DNAH8: variants seen among roughly 807,000 people sequenced by gnomAD.
DNAH8 encodes the protein dynein axonemal heavy chain 8.
A neutral mutation model predicts 562.1 loss-of-function variants in DNAH8; 382 were observed. That is an observed-to-expected ratio of 0.68 (90% CI 0.63 to 0.74). The LOEUF is 0.74. DNAH8 is among the 30% of genes least tolerant of loss of function. The probability of loss-of-function intolerance (pLI) is 0.00; values close to 1 mark genes in which losing one functional copy is unlikely to be tolerated. For missense variants in DNAH8, 5,203 were observed against 5,620.4 expected (o/e 0.93, Z 2.37); for synonymous variants, 1,881 against 1,919.4 (o/e 0.98, Z 0.52).
chr6:38,909,423 G>C, intron 64 of DNAH8, 95 bp from the exon 65 acceptor site: 1 of 1,074,410 alleles, frequency 9.3e-7, no homozygotes. Context: ...TCAAATCTGT[G>C]ATGTCACACT....
chr6:39,018,116 C>T (rs1191506636), intron 91 of DNAH8, among the ~76,000 whole-genome samples: 1 of 152,210 alleles, frequency 6.6e-6, no homozygotes, highest in Admixed American at 6.5e-5. Context: ...GCCCTGTCCC[C>T]AAATCACAGA....
chr6:38,795,291 T>A (rs1038733072), intron 21 of DNAH8, among the ~76,000 whole-genome samples: 1 of 152,078 alleles, frequency 6.6e-6, no homozygotes, highest in African/African-American at 2.4e-5. Flanking sequence ...GACTCAAGAG[T>A]GTAAGTTGCT....
intron 1 of DNAH8, among the ~76,000 whole-genome samples, chr6:38,719,561 T>A (rs1762591198): frequency 6.6e-6 from 1 of 152,188 alleles, no homozygotes; most frequent in African/African-American, 2.4e-5. Context: ...AGAGGACATG[T>A]GTTTTTTTTA....
intron 91 of DNAH8, among the ~76,000 whole-genome samples, chr6:39,013,678 C>T (rs1766377414): frequency 6.6e-6 from 1 of 152,092 alleles, no homozygotes; most frequent in African/African-American, 2.4e-5. Context: ...TGGTAAAACC[C>T]TGTCTCTACA....
chr6:38,913,602 C>T (rs1781071584), intron 66 of DNAH8, among the ~76,000 whole-genome samples: 1 of 152,150 alleles, frequency 6.6e-6, no homozygotes, highest in Non-Finnish European at 1.5e-5. Context: ...GACATTGTGA[C>T]TTTCCCTTAA....
At chr6:39,009,232 T>C (rs1766015197) in intron 89 of DNAH8, among the ~76,000 whole-genome samples, 1 of 152,052 alleles carries the variant, frequency 6.6e-6, no homozygotes, top group South Asian at 2.1e-4. Context: ...CACAAGTTAA[T>C]TCCTCCTCAA....
intron 68 of DNAH8, among the ~76,000 whole-genome samples, chr6:38,915,963 A>G (rs570201079): frequency 9.8e-5 from 15 of 152,306 alleles, no homozygotes; most frequent in Middle Eastern, 3.4e-3. Context: ...ACACACACAT[A>G]TAAGTATGTA....
intron 45 of DNAH8, among the ~76,000 whole-genome samples, chr6:38,865,593 C>T (rs1313431626): frequency 2.6e-5 from 4 of 152,192 alleles, no homozygotes; most frequent in African/African-American, 9.7e-5. Flanking sequence ...GAAAGCATCT[C>T]TATTGTGTTG....
At chr6:38,973,854 A>G in intron 84 of DNAH8, 41 bp downstream of exon 84, 1 of 1,510,396 alleles carries the variant, frequency 6.6e-7, no homozygotes, top group Non-Finnish European at 9.0e-7. Flanking sequence ...TCATAGTAAT[A>G]AAGATGACAT....
At chr6:38,871,775 G>A (rs910943889) in intron 49 of DNAH8, among the ~76,000 whole-genome samples, 2 of 152,130 alleles carry the variant, frequency 1.3e-5, no homozygotes, top group Non-Finnish European at 2.9e-5. Flanking sequence ...AAGGAGGCCT[G>A]GAGCCATTTT....
intron 80 of DNAH8, among the ~76,000 whole-genome samples, chr6:38,948,446 C>T (rs967304005): frequency 6.6e-6 from 1 of 152,084 alleles, no homozygotes; most frequent in Non-Finnish European, 1.5e-5. Flanking sequence ...TCAAGTGATT[C>T]TCCTGCCTCA....
At chr6:38,929,361 A>G (rs1194700101) in intron 74 of DNAH8, 150 bp from the exon 75 acceptor site, 3 of 736,680 alleles carry the variant, frequency 4.1e-6, no homozygotes, top group Non-Finnish European at 6.1e-6. Flanking sequence ...TTAGAAATTA[A>G]TTTTTGTATG....
In DNAH8 at chr6:38,911,628, TTTATTTGATAGGGATCTCAA is replaced by T. The variant is rs753243289; in HGVS notation, c.9859+44_9859+63del. ...GGAATGGGATGGAATAGAAATAGGGTTTATTTGATAGGGATCTCAATATTTTGTTTGGTGGACATTTTGTC... is the reference window on the plus strand; with the variant it reads ...GGAATGGGATGGAATAGAAATAGGGTTATTTTGTTTGGTGGACATTTTGTC... On this transcript the variant is annotated intron_variant, in intron 66 of 92. Coordinates refer to ENST00000327475, the MANE Select transcript of DNAH8 (RefSeq NM_001206927.2). 4 of 1,314,402 alleles carry T rather than the reference TTTATTTGATAGGGATCTCAA, an allele frequency of 3.0e-6. No individual in the cohort carries two copies. The Admixed American group carries it at 7.3e-5, about 24-fold the overall frequency. The allele number at this position is 1,314,402 out of a possible 1,614,324, so 81.4% of individuals were successfully genotyped here. A position where few individuals can be genotyped will look rare whatever the true frequency, so the allele number is the denominator to read the frequency against.
chr6:38,889,980 G>A (rs1039267935), intron 57 of DNAH8, among the ~76,000 whole-genome samples: 6 of 152,048 alleles, frequency 3.9e-5, no homozygotes, highest in Non-Finnish European at 8.8e-5. Flanking sequence ...ATCTTTCTTC[G>A]GTCTAAATCA....
intron 57 of DNAH8, among the ~76,000 whole-genome samples, chr6:38,889,784 G>A (rs909966096): frequency 6.6e-6 from 1 of 152,174 alleles, no homozygotes; most frequent in African/African-American, 2.4e-5. Flanking sequence ...ATGATTTGGA[G>A]GAAAATTTCA....
chr6:38,940,302 G>T (rs1783335486), intron 79 of DNAH8, among the ~76,000 whole-genome samples: 1 of 152,174 alleles, frequency 6.6e-6, no homozygotes. Context: ...GCATACAAGA[G>T]CCAAGAGAGC....
intron 43 of DNAH8, among the ~76,000 whole-genome samples, chr6:38,861,862 C>T (rs1776652237): frequency 6.6e-6 from 1 of 151,822 alleles, no homozygotes; most frequent in Non-Finnish European, 1.5e-5. Context: ...TGCATTTTGC[C>T]CCGACTTTGT....
intron 1 of DNAH8, among the ~76,000 whole-genome samples, chr6:38,718,398 A>G (rs1173406734): frequency 6.6e-6 from 1 of 152,018 alleles, no homozygotes; most frequent in Non-Finnish European, 1.5e-5. Flanking sequence ...TTATAAGTTG[A>G]TAAGTTGATC....
At chr6:38,884,098 GTTT>G in intron 56 of DNAH8, 100 bp downstream of exon 56, 2 of 804,642 alleles carry the variant, frequency 2.5e-6, no homozygotes, top group Non-Finnish European at 3.2e-6. Context: ...AAAACTTTAT[GTTT>G]TTAAGTCTAC....
Sources: gnomAD v4.1 joint callset for allele counts (sites outside exome capture counted in the v4.1 genomes callset) on GRCh38, gnomAD v4.1.1 for gene constraint, MANE v1.5 for transcripts, NCBI Gene and HGNC (gene_info 2026-07-23, HGNC 2026-07-21) for gene names.